ZNF804B: variants seen among roughly 807,000 people sequenced by gnomAD.
The protein encoded by ZNF804B is zinc finger protein 804B.
A neutral mutation model predicts 101.4 loss-of-function variants in ZNF804B; 80 were observed. That is an observed-to-expected ratio of 0.79 (90% CI 0.66 to 0.95). ZNF804B has a LOEUF of 0.95. Ranked by LOEUF, ZNF804B falls within the 40% of genes least tolerant of loss-of-function variation. The pLI, the probability that ZNF804B is intolerant of heterozygous loss-of-function variation, is 0.00. For synonymous variants in ZNF804B, 622 were observed against 558.8 expected (o/e 1.11, Z -1.59); for missense variants, 1,673 against 1,561.9 (o/e 1.07, Z -1.20).
In ZNF804B at chr7:88,997,069, C is replaced by A. The variant is rs180961400; in HGVS notation, c.109-221086C>A. On this transcript the variant is annotated intron_variant, in intron 1 of 3. Transcript: ENST00000333190. ...AAATATTTGCATAATGCTTTTAAGG[C>A]AATATGTTTAACTGATACACACTTG... Among the ~76,000 whole-genome samples, 224 of 152,108 alleles carry A rather than the reference C, an allele frequency of 1.5e-3. 6 individuals are homozygous for A. The highest frequency in any genetic ancestry group is 0.011 in the Admixed American group (167 of 15,254).
chr7:89,159,613 T>C (rs1791028775), intron 1 of ZNF804B, among the ~76,000 whole-genome samples: 1 of 152,196 alleles, frequency 6.6e-6, no homozygotes, highest in African/African-American at 2.4e-5. Context: ...TCATTTTCAC[T>C]AACTTCATGA....
chr7:89,029,086 G>A (rs1202950969), intron 1 of ZNF804B, among the ~76,000 whole-genome samples: 3 of 151,982 alleles, frequency 2.0e-5, no homozygotes, highest in African/African-American at 7.2e-5. Flanking sequence ...ATAGCTGAAT[G>A]TTTTTTGGAA....
At chr7:89,209,611 A>G (rs1173251103) in intron 1 of ZNF804B, among the ~76,000 whole-genome samples, 1 of 152,206 alleles carries the variant, frequency 6.6e-6, no homozygotes, top group East Asian at 1.9e-4. Flanking sequence ...AAAAGTCTAA[A>G]ACTACCATGT....
rs551829516 is a variant in ZNF804B, at chr7:88,787,771, G to A, written c.108+27687G>A. Among the ~76,000 whole-genome samples, 7 of 152,252 alleles carry A rather than the reference G, an allele frequency of 4.6e-5. No homozygotes were observed. In the South Asian group the frequency reaches 1.2e-3, roughly 27 times the overall value. ...AGTTGTAGAACCCGGTTTCAGTTCA[G>A]CAATTTGACACCAGAGTGGCTCTCT... On this transcript the variant is annotated intron_variant, in intron 1 of 3. Transcript: ENST00000333190.
chr7:89,142,242 A>G (rs1790728509), intron 1 of ZNF804B, among the ~76,000 whole-genome samples: 1 of 151,620 alleles, frequency 6.6e-6, no homozygotes, highest in South Asian at 2.1e-4. Context: ...TCTCTGGTGA[A>G]GGTTTCTTCA....
chr7:89,335,074 A>G lies in ZNF804B; in HGVS notation c.2092A>G (p.Arg698Gly), dbSNP rs777340315. The change falls in exon 4 of 4, where the codon AGA (arginine) becomes GGA (glycine). Residue 698 changes from arginine (R) to glycine (G), a missense_variant. Physicochemically the swap from Arg to Gly is moderately radical, Grantham distance 125. Transcript: ENST00000333190. ...CGGATGTGGAAACCAAAGATACAAG[A>G]GATACTCTCCACAGTCATGTTTGAG... ...VSGCGNQRYKRYSPQSCLSRY... is the reference protein window; with the variant it reads ...VSGCGNQRYKGYSPQSCLSRY... The G allele has an allele frequency of 6.2e-7, 1 of 1,613,696 alleles. No homozygotes were observed. Among genetic ancestry groups the G allele is most frequent in the African/African-American group, 1.3e-5 (1 of 74,896 alleles).
At chr7:89,282,133 GGAGCTTGCAGTGAGCC>G (rs1390528165) in intron 2 of ZNF804B, among the ~76,000 whole-genome samples, 2 of 150,398 alleles carry the variant, frequency 1.3e-5, no homozygotes, top group African/African-American at 4.9e-5. Context: ...CCTGGGAGGC[GGAGCTTGCAGTGAGCC>G]GAGATCCCGC....
At chr7:88,801,651 A>G (rs998933330) in intron 1 of ZNF804B, among the ~76,000 whole-genome samples, 1 of 152,178 alleles carries the variant, frequency 6.6e-6, no homozygotes, top group Non-Finnish European at 1.5e-5. Flanking sequence ...ATCCCATGGT[A>G]AGTAAATAAA....
chr7:89,178,829 T>G (rs1788247687), intron 1 of ZNF804B, among the ~76,000 whole-genome samples: 1 of 152,186 alleles, frequency 6.6e-6, no homozygotes, highest in Non-Finnish European at 1.5e-5. Context: ...ATAGCTCTCT[T>G]TAGCATTTCC....
chr7:89,284,364 C>A (rs532821561), intron 2 of ZNF804B, among the ~76,000 whole-genome samples: 2 of 152,260 alleles, frequency 1.3e-5, no homozygotes, highest in East Asian at 3.9e-4. Context: ...CCTTGAGTAA[C>A]CATGGGACCC....
chr7:88,949,094 C>T (rs892626432), intron 1 of ZNF804B, among the ~76,000 whole-genome samples: 15 of 150,768 alleles, frequency 9.9e-5, no homozygotes, highest in African/African-American at 3.4e-4. Context: ...TTGTTCTATT[C>T]TGTTCTGTTA....
intron 1 of ZNF804B, among the ~76,000 whole-genome samples, chr7:88,943,806 T>A (rs1386670905): frequency 6.6e-6 from 1 of 151,812 alleles, no homozygotes; most frequent in African/African-American, 2.4e-5. Context: ...CTTTGAATTT[T>A]CTAGAATGTT....
intron 2 of ZNF804B, among the ~76,000 whole-genome samples, chr7:89,263,783 C>T (rs1789744408): frequency 6.6e-6 from 1 of 152,116 alleles, no homozygotes; most frequent in Non-Finnish European, 1.5e-5. Flanking sequence ...AGCCAAGGAA[C>T]TCCATTAACC....
intron 2 of ZNF804B, among the ~76,000 whole-genome samples, chr7:89,292,521 C>T (rs1209517827): frequency 6.6e-6 from 1 of 151,810 alleles, no homozygotes; most frequent in African/African-American, 2.4e-5. Context: ...TATTTGCAAG[C>T]CTCATGGTAA....
At chr7:89,252,203 T>C (rs1417853632) in intron 2 of ZNF804B, among the ~76,000 whole-genome samples, 1 of 151,776 alleles carries the variant, frequency 6.6e-6, no homozygotes, top group Non-Finnish European at 1.5e-5. Flanking sequence ...CTTAAATAAC[T>C]GAAAAAACAT....
intron 1 of ZNF804B, among the ~76,000 whole-genome samples, chr7:89,127,802 A>G (rs1790495610): frequency 6.6e-6 from 1 of 151,584 alleles, no homozygotes; most frequent in African/African-American, 2.4e-5. Context: ...CAAAACAGCA[A>G]TTACTTTTGC....
At chr7:89,251,212 G>A (rs975991047) in intron 2 of ZNF804B, among the ~76,000 whole-genome samples, 5 of 152,014 alleles carry the variant, frequency 3.3e-5, no homozygotes, top group African/African-American at 1.2e-4. Context: ...CTACAAAAAG[G>A]TTCTTGGAAC....
intron 1 of ZNF804B, among the ~76,000 whole-genome samples, chr7:88,983,531 C>T (rs898214734): frequency 6.6e-6 from 1 of 151,890 alleles, no homozygotes. Context: ...CCACTATGCA[C>T]ATGTTATAGT....
At chr7:88,834,125 C>T (rs369806600) in intron 1 of ZNF804B, among the ~76,000 whole-genome samples, 4 of 151,686 alleles carry the variant, frequency 2.6e-5, no homozygotes, top group African/African-American at 7.2e-5. Context: ...ATTAGAACTC[C>T]AGAAATTAAA....
Sources: gnomAD v4.1 joint callset for allele counts (sites outside exome capture counted in the v4.1 genomes callset) on GRCh38, gnomAD v4.1.1 for gene constraint, MANE v1.5 for transcripts, NCBI Gene and HGNC (gene_info 2026-07-23, HGNC 2026-07-21) for gene names.